TANGO6: variants seen among roughly 807,000 people sequenced by gnomAD.
TANGO6 encodes the protein transport and Golgi organization protein 6 homolog.
In TANGO6, 90 loss-of-function variants were observed where a neutral mutation model predicts 114.2. The ratio of observed to expected loss-of-function variants is 0.79; its 90% CI spans 0.66 to 0.94. TANGO6 has a LOEUF of 0.94. Ranked by LOEUF, TANGO6 falls within the 40% of genes least tolerant of loss-of-function variation. The pLI, the probability that TANGO6 is intolerant of heterozygous loss-of-function variation, is 0.00. For synonymous variants in TANGO6, 477 were observed against 509.8 expected (o/e 0.94, Z 0.87); for missense variants, 1,274 against 1,315.3 (o/e 0.97, Z 0.49).
At chr16:68,986,550 T>C (rs919211323) in intron 15 of TANGO6, among the ~76,000 whole-genome samples, 1 of 152,082 alleles carries the variant, frequency 6.6e-6, no homozygotes, top group Non-Finnish European at 1.5e-5. Flanking sequence ...GAGTATCACA[T>C]GGCCCCAGGT....
At position 68,927,693 on chromosome 16, in the gene TANGO6, T is replaced by A; in HGVS notation, c.2253T>A (p.His751Gln). 1 of 1,613,970 alleles carries A rather than the reference T, an allele frequency of 6.2e-7. No homozygotes were observed. Among genetic ancestry groups the A allele is most frequent in the Admixed American group, 1.7e-5 (1 of 60,018 alleles). ...AVDLRITISTHGAFATEAVSM... is the reference protein window; with the variant it reads ...AVDLRITISTQGAFATEAVSM... ...ATCTCCGCATCACCATCTCTACCCA[T>A]GGAGCCTTTGCCACTGAGGCCGTCA... Residue 751 changes from histidine (H) to glutamine (Q), a missense_variant, in exon 13 of 18, where the codon CAT becomes CAA. His to Gln is a conservative substitution (Grantham distance 24, BLOSUM62 0). Coordinates refer to ENST00000261778, the MANE Select transcript of TANGO6 (RefSeq NM_024562.2).
chr16:68,957,988 A>G (rs532429433), intron 14 of TANGO6, among the ~76,000 whole-genome samples: 1 of 151,938 alleles, frequency 6.6e-6, no homozygotes, highest in African/African-American at 2.4e-5. Context: ...CCTGGCCAAC[A>G]TGGTGAAACC....
chr16:68,860,264 C>T lies in TANGO6; in HGVS notation c.475C>T (p.Pro159Ser), dbSNP rs1356700444. 1.9e-6 allele frequency: 3 copies of T among 1,613,824 alleles called. No individual in the cohort carries two copies. Among genetic ancestry groups the T allele is most frequent in the Admixed American group, 1.7e-5 (1 of 59,986 alleles). The change falls in exon 2 of 18, where the codon CCC becomes TCC. Residue 159 changes from proline (P) to serine (S), a missense_variant. This residue lies in a region of TANGO6 where 908 missense variants were observed against 910.2 expected (regional missense o/e 1.00). Coordinates refer to ENST00000261778, the MANE Select transcript of TANGO6 (RefSeq NM_024562.2). ...GTTTGTAGTTACCTTGGGTATCTGC[C>T]CCTATCTCATGCCTGGTGTTGGAGT... ...LQFVVTLGIC[P>S]YLMPGVGVPL...
At chr16:68,953,050 T>TTTTTTTA (rs1555525236) in intron 14 of TANGO6, among the ~76,000 whole-genome samples, 1 of 139,214 alleles carries the variant, frequency 7.2e-6, no homozygotes, top group African/African-American at 2.6e-5. Context: ...ACAGGTATTT[T>TTTTTTTA]TTATTATTAT....
intron 7 of TANGO6, among the ~76,000 whole-genome samples, chr16:68,887,536 T>A (rs1962555234): frequency 6.6e-6 from 1 of 152,204 alleles, no homozygotes; most frequent in Admixed American, 6.5e-5. Context: ...GGGGCTGGTA[T>A]GTCCAATATA....
intron 17 of TANGO6, among the ~76,000 whole-genome samples, chr16:69,048,143 C>T (rs576007968): frequency 7.9e-5 from 12 of 151,794 alleles, no homozygotes; most frequent in Non-Finnish European, 1.5e-4. Flanking sequence ...AGCACAGTGG[C>T]GCAATATCAG....
At chr16:68,960,728 G>A (rs368414359) in intron 14 of TANGO6, among the ~76,000 whole-genome samples, 8 of 152,090 alleles carry the variant, frequency 5.3e-5, no homozygotes, top group African/African-American at 1.7e-4. Context: ...CAAACTCCTG[G>A]CTTCAAGTGA....
intron 15 of TANGO6, among the ~76,000 whole-genome samples, chr16:68,999,553 A>G (rs775751505): frequency 6.6e-6 from 1 of 152,338 alleles, no homozygotes; most frequent in African/African-American, 2.4e-5. Flanking sequence ...TCAAATAACA[A>G]CATTGCCATA....
chr16:69,055,456 C>T (rs573657180), intron 17 of TANGO6, among the ~76,000 whole-genome samples: 8 of 152,224 alleles, frequency 5.3e-5, no homozygotes, highest in Non-Finnish European at 1.2e-4. Context: ...ATATCCAACA[C>T]TCAGATTCCC....
rs1285285245 is a variant in TANGO6, at chr16:69,040,375, A to G, written c.3062A>G (p.His1021Arg). ...GTTCAAGTACGCAGAGCTGCCATAC[A>G]TGTGGTTGTGCTGCTGCTTCGGGGA... Reference protein sequence around the residue: ...GEVQVRRAAIHVVVLLLRGLS... With the variant: ...GEVQVRRAAIRVVVLLLRGLS... Residue 1021 changes from histidine (H) to arginine (R), a missense_variant, in exon 17 of 18, where the codon CAT (histidine) becomes CGT (arginine). Physicochemically the swap from His to Arg is conservative, Grantham distance 29. Transcript: ENST00000261778. 3 of 1,609,332 alleles carry G rather than the reference A, an allele frequency of 1.9e-6. No individual in the cohort carries two copies. The highest frequency in any genetic ancestry group is 1.3e-5 in the African/African-American group (1 of 74,878).
At chr16:69,006,076 G>GA (rs983601762) in intron 15 of TANGO6, among the ~76,000 whole-genome samples, 9 of 152,214 alleles carry the variant, frequency 5.9e-5, no homozygotes, top group African/African-American at 2.2e-4. Flanking sequence ...GACAAATAAG[G>GA]AAAGGAAGAG....
intron 15 of TANGO6, among the ~76,000 whole-genome samples, chr16:69,021,269 C>T (rs1959400790): frequency 6.6e-6 from 1 of 152,074 alleles, no homozygotes; most frequent in South Asian, 2.1e-4. Flanking sequence ...ACATGCCAGG[C>T]GTGCTCCTCT....
intron 13 of TANGO6, among the ~76,000 whole-genome samples, chr16:68,929,420 C>A (rs978134582): frequency 6.6e-6 from 1 of 152,164 alleles, no homozygotes; most frequent in Non-Finnish European, 1.5e-5. Flanking sequence ...CTTGCTTACT[C>A]CATAAAAGAT....
chr16:68,883,626 A>T (rs759753898), intron 7 of TANGO6, among the ~76,000 whole-genome samples: 5 of 152,188 alleles, frequency 3.3e-5, no homozygotes, highest in Non-Finnish European at 7.4e-5. Context: ...CATTCATGTA[A>T]ACATTATTGT....
intron 12 of TANGO6, among the ~76,000 whole-genome samples, chr16:68,925,489 T>C (rs1211285309): frequency 6.6e-6 from 1 of 152,244 alleles, no homozygotes; most frequent in East Asian, 1.9e-4. Flanking sequence ...TTTAAAGAGT[T>C]CTTTGTATAT....
At chr16:68,878,023 A>G in intron 5 of TANGO6, 95 bp from the exon 6 acceptor site, 1 of 1,082,532 alleles carries the variant, frequency 9.2e-7, no homozygotes, top group Non-Finnish European at 1.3e-6. Flanking sequence ...AGGTGAATTT[A>G]TTTTTTGTCT....
At chr16:68,946,278 G>A (rs574050933) in intron 14 of TANGO6, among the ~76,000 whole-genome samples, 185 of 150,982 alleles carry the variant, frequency 1.2e-3, no homozygotes, top group African/African-American at 4.0e-3. Flanking sequence ...TGCAAGCTCC[G>A]CCTCCCGGGT....
At chr16:68,965,446 C>T (rs1768204086) in intron 14 of TANGO6, among the ~76,000 whole-genome samples, 1 of 152,236 alleles carries the variant, frequency 6.6e-6, no homozygotes, top group Non-Finnish European at 1.5e-5. Context: ...ATATTCTGCT[C>T]TTGGCAGTGG....
At position 68,919,237 on chromosome 16, in the gene TANGO6, G is replaced by A; in HGVS notation, c.2127+18G>A. The stretch of plus-strand genomic sequence containing the variant: ...CTGTTCAGGTGAGTTGTAGACATGA[G>A]GCAAGCTTGAATGGAGGGAAGGGAG... On this transcript the variant is annotated intron_variant, in intron 12 of 17. Coordinates refer to ENST00000261778, the MANE Select transcript of TANGO6 (RefSeq NM_024562.2). 1 of 1,610,052 alleles carries A rather than the reference G, an allele frequency of 6.2e-7. No individual in the cohort carries two copies. Among genetic ancestry groups the A allele is most frequent in the South Asian group, 1.1e-5 (1 of 90,000 alleles).
Sources: gnomAD v4.1 joint callset for allele counts (sites outside exome capture counted in the v4.1 genomes callset) on GRCh38, gnomAD v4.1.1 for gene constraint, gnomAD v4.1.1 regional missense constraint, MANE v1.5 for transcripts, NCBI Gene and HGNC (gene_info 2026-07-23, HGNC 2026-07-21) for gene names.